RRM1: variants seen among roughly 807,000 people sequenced by gnomAD.
RRM1 encodes the protein ribonucleoside-diphosphate reductase large subunit.
A neutral mutation model predicts 101.5 loss-of-function variants in RRM1; 19 were observed. That is an observed-to-expected ratio of 0.19 (90% CI 0.13 to 0.27). The LOEUF is 0.27. Ranked by LOEUF, RRM1 falls within the 10% of genes least tolerant of loss-of-function variation. The pLI is 1.00. For synonymous variants in RRM1, 298 were observed against 323.4 expected (o/e 0.92, Z 0.84); for missense variants, 500 against 962.9 (o/e 0.52, Z 6.36).
rs576586048 is a variant in RRM1 at position 4,107,651 on chromosome 11, C to T, written c.387+116C>T. The T allele has an allele frequency of 1.4e-4, 89 of 642,196 alleles. No homozygotes were observed. The African/African-American group carries it at 1.6e-3, about 11-fold the overall frequency. 39.8% of individuals were successfully genotyped at this position (642,196 alleles called of 1,614,324 possible). A position where few individuals can be genotyped will look rare whatever the true frequency, so the allele number is the denominator to read the frequency against. On this transcript the variant is annotated intron_variant, in intron 4 of 18. Coordinates refer to ENST00000300738, the MANE Select transcript of RRM1 (RefSeq NM_001033.5). ...AGGTAAATACTAATTCTGTTTCCTA[C>T]CCTGATTCCTGATTTTCCTCTCTAG...
At chr11:4,125,720 C>G (rs1208628790) in intron 12 of RRM1, among the ~76,000 whole-genome samples, 5 of 152,196 alleles carry the variant, frequency 3.3e-5, no homozygotes, top group Admixed American at 6.5e-5. Context: ...CAATGAGGTC[C>G]TTCTTGACAA....
At chr11:4,131,336 A>G (rs1229819845) in intron 15 of RRM1, among the ~76,000 whole-genome samples, 1 of 152,226 alleles carries the variant, frequency 6.6e-6, no homozygotes, top group Non-Finnish European at 1.5e-5. Context: ...GATTATGGGA[A>G]CTACAGTTCA....
intron 12 of RRM1, among the ~76,000 whole-genome samples, chr11:4,124,645 C>T (rs557845555): frequency 1.3e-5 from 2 of 152,032 alleles, no homozygotes; most frequent in Non-Finnish European, 2.9e-5. Context: ...CAGATAATGT[C>T]ATTTGTCTGC....
At chr11:4,123,046 A>G in intron 11 of RRM1, 137 bp from the exon 12 acceptor site, 1 of 715,782 alleles carries the variant, frequency 1.4e-6, no homozygotes, top group Non-Finnish European at 2.2e-6. Context: ...AATAAATATC[A>G]TATTCCTTTT....
chr11:4,115,183 A>C (rs945190747), intron 7 of RRM1, among the ~76,000 whole-genome samples: 6 of 152,132 alleles, frequency 3.9e-5, no homozygotes, highest in African/African-American at 1.4e-4. Context: ...CATGTGAAAG[A>C]GCAAAAGACT....
At chr11:4,130,546 A>T (rs956153779) in intron 15 of RRM1, among the ~76,000 whole-genome samples, 1 of 152,100 alleles carries the variant, frequency 6.6e-6, no homozygotes, top group African/African-American at 2.4e-5. Context: ...AAATACAAAA[A>T]TTAGCTGGGC....
At chr11:4,102,630 C>T (rs1374973782) in intron 2 of RRM1, among the ~76,000 whole-genome samples, 7 of 140,644 alleles carry the variant, frequency 5.0e-5, no homozygotes, top group East Asian at 4.1e-4. Flanking sequence ...CCAGCCTGGG[C>T]GACAGAGCGA....
At chr11:4,129,518 A>G (rs2094595423) in intron 15 of RRM1, among the ~76,000 whole-genome samples, 1 of 151,604 alleles carries the variant, frequency 6.6e-6, no homozygotes, top group South Asian at 2.1e-4. Flanking sequence ...ATTTAGTTAC[A>G]TCGGGCATAT....
intron 8 of RRM1, among the ~76,000 whole-genome samples, chr11:4,119,418 C>A (rs991853184): frequency 6.6e-6 from 1 of 152,104 alleles, no homozygotes; most frequent in African/African-American, 2.4e-5. Flanking sequence ...TATTTATTGC[C>A]CTGATATAGC....
At chr11:4,101,890 T>C (rs2094551980) in intron 1 of RRM1, 103 bp from the exon 2 acceptor site, 5 of 672,866 alleles carry the variant, frequency 7.4e-6, no homozygotes, top group Admixed American at 5.4e-5. Flanking sequence ...TAGCACTTCA[T>C]GTTGGTCAAT....
chr11:4,136,899 A>G (rs2094611473), intron 18 of RRM1, among the ~76,000 whole-genome samples: 1 of 151,748 alleles, frequency 6.6e-6, no homozygotes, highest in African/African-American at 2.4e-5. Context: ...TGGTTTTCCT[A>G]GGCAGAGGAC....
chr11:4,112,564 A>G (rs1179621814), intron 7 of RRM1, among the ~76,000 whole-genome samples: 4 of 152,194 alleles, frequency 2.6e-5, no homozygotes, highest in Non-Finnish European at 2.9e-5. Context: ...GGGTTTCACC[A>G]TGTTGGTCAG....
chr11:4,123,301 C>T lies in RRM1; in HGVS notation c.1237C>T (p.Arg413Ter). 6.2e-7 allele frequency: 1 copy of T among 1,613,982 alleles called. No individual in the cohort carries two copies. Residue 413 changes from arginine (R) to a stop codon, truncating the protein, a stop_gained, in exon 12 of 19, where the codon CGA becomes TGA. Coordinates refer to ENST00000300738, the MANE Select transcript of RRM1 (RefSeq NM_001033.5). LOFTEE classifies it high-confidence loss of function. ...PYMLYKDSCN[R>*]KSNQQNLGTI... ...TATGCTCTACAAAGATTCCTGTAATCGAAAGAGCAACCAGCAGAACCTGGG... is the reference window on the plus strand; with the variant it reads ...TATGCTCTACAAAGATTCCTGTAATTGAAAGAGCAACCAGCAGAACCTGGG...
At chr11:4,118,586 G>C in intron 8 of RRM1, 125 bp downstream of exon 8, 1 of 818,746 alleles carries the variant, frequency 1.2e-6, no homozygotes, top group Non-Finnish European at 1.9e-6. Context: ...AAATGGCTAT[G>C]TGACTTGGAG....
chr11:4,101,920 G>T, intron 1 of RRM1, 73 bp from the exon 2 acceptor site: 1 of 806,296 alleles, frequency 1.2e-6, no homozygotes, highest in South Asian at 1.5e-5. Context: ...AATTACATTT[G>T]ATTCTTTGAC....
At chr11:4,118,690 T>C (rs772900034) in intron 8 of RRM1, among the ~76,000 whole-genome samples, 3 of 152,220 alleles carry the variant, frequency 2.0e-5, no homozygotes, top group Non-Finnish European at 4.4e-5. Flanking sequence ...GCTCAGGTTT[T>C]AGAATTCTGG....
At chr11:4,109,303 C>T (rs1260296736) in intron 4 of RRM1, among the ~76,000 whole-genome samples, 1 of 151,658 alleles carries the variant, frequency 6.6e-6, no homozygotes, top group African/African-American at 2.4e-5. Context: ...ATAATATAGT[C>T]CCATTTATGC....
intron 5 of RRM1, 32 bp from the exon 6 acceptor site, chr11:4,111,569 C>G: frequency 6.4e-7 from 1 of 1,565,680 alleles, no homozygotes; most frequent in Non-Finnish European, 8.7e-7. Flanking sequence ...AAACGGTGCT[C>G]TGAAAATTTT....
Position 4,121,611 on chromosome 11 carries a change from G to T in RRM1, c.884G>T (p.Gly295Val). 6.2e-7 allele frequency: 1 copy of T among 1,611,110 alleles called. No homozygotes were observed. The highest frequency in any genetic ancestry group is 1.1e-5 in the South Asian group (1 of 90,468). ...YVDQGGNKRPGAFAIYLEPWH... is the reference protein window; with the variant it reads ...YVDQGGNKRPVAFAIYLEPWH... ...TGATTTATTTACCACTAGCGTCCTG[G>T]GGCATTTGCTATTTACCTGGAGCCT... Residue 295 changes from glycine (G) to valine (V), a missense_variant, in exon 10 of 19, where the codon GGG (glycine) becomes GTG (valine). Transcript: ENST00000300738.
Sources: allele counts gnomAD v4.1 joint callset (sites outside exome capture counted in the v4.1 genomes callset), GRCh38; gene constraint gnomAD v4.1.1; transcripts MANE v1.5; gene names NCBI Gene and HGNC (gene_info 2026-07-23, HGNC 2026-07-21).